The following TAB2 variants were observed in gnomAD, a reference collection of about 807,000 sequenced individuals.
The protein encoded by TAB2 is TGF-beta activated kinase 1 (MAP3K7) binding protein 2.
TAB2 carries 3 observed loss-of-function variants against 65.0 expected under a neutral mutation model. That is an observed-to-expected ratio of 0.05 (90% CI 0.02 to 0.12). The LOEUF is 0.12. Ranked by LOEUF, TAB2 falls within the 10% of genes least tolerant of loss-of-function variation. The pLI, the probability that TAB2 is intolerant of heterozygous loss-of-function variation, is 1.00. For synonymous variants in TAB2, 298 were observed against 285.1 expected (o/e 1.05, Z -0.46); for missense variants, 623 against 840.3 (o/e 0.74, Z 3.20).
chr6:149,408,642 T>A (rs1782744491), intron 6 of TAB2, among the ~76,000 whole-genome samples: 1 of 152,182 alleles, frequency 6.6e-6, no homozygotes, highest in Non-Finnish European at 1.5e-5. Flanking sequence ...TGCATGCTCC[T>A]TTTACTTTAA....
At chr6:149,266,795 A>T (rs1465203136) in intron 1 of TAB2, among the ~76,000 whole-genome samples, 1 of 152,138 alleles carries the variant, frequency 6.6e-6, no homozygotes, top group East Asian at 1.9e-4. Context: ...TGTCTCTATC[A>T]TTGTGACACA....
intron 1 of TAB2, among the ~76,000 whole-genome samples, chr6:149,263,361 T>A (rs1162453978): frequency 6.6e-6 from 1 of 152,246 alleles, no homozygotes; most frequent in Admixed American, 6.5e-5. Context: ...CAATTTTTTT[T>A]ACCTAAATTT....
chr6:149,375,834 A>T lies in TAB2; in HGVS notation c.103-2184A>T, dbSNP rs1201022107. On this transcript the variant is annotated intron_variant, in intron 2 of 6. Transcript: ENST00000637181. ...GTATCAATTAAGAGTTATTAGTAGG[A>T]TAAAAGGATTTTTCTACCATGAGAG... Among the ~76,000 whole-genome samples, 3 of 152,156 alleles carry T rather than the reference A, an allele frequency of 2.0e-5. No individual in the cohort carries two copies. The East Asian group carries it at 5.8e-4, about 29-fold the overall frequency.
rs1781525056 is a variant in TAB2 at position 149,379,316 on chromosome 6, A to G, written c.1401A>G (p.Thr467=). The G allele has an allele frequency of 1.2e-6, 2 of 1,614,244 alleles. No homozygotes were observed. The change falls in exon 3 of 7, where the codon ACA becomes ACG. Residue 467 remains threonine, a synonymous_variant. Transcript: ENST00000637181. ...ATACGAAATACACTTTCAAAATTAC[A>G]GTCTCTCCCAATAAGCCCCCTGCAG... The part of the protein sequence containing the change: ...QPNTKYTFKI[T]VSPNKPPAVS...
chr6:149,398,860 C>T (rs1782267177), intron 5 of TAB2, among the ~76,000 whole-genome samples: 2 of 152,008 alleles, frequency 1.3e-5, no homozygotes, highest in South Asian at 2.1e-4. Context: ...AATGTCTTAC[C>T]AGCATTAATT....
intron 1 of TAB2, among the ~76,000 whole-genome samples, chr6:149,260,530 G>A (rs146059845): frequency 6.6e-6 from 1 of 152,238 alleles, no homozygotes; most frequent in East Asian, 1.9e-4. Flanking sequence ...GAAGCCCCAT[G>A]GAGGAAAAAA....
chr6:149,291,315 C>T (rs1198621164), intron 1 of TAB2: 3 of 152,220 alleles, frequency 2.0e-5, no homozygotes, highest in African/African-American at 4.8e-5. Context: ...CAGAATTTTA[C>T]TGTGACTGGA....
chr6:149,378,319 A>C lies in TAB2; in HGVS notation c.404A>C (p.Gln135Pro), dbSNP rs1487858409. ...EPQTAPAQVP[Q>P]GFNVFGMSSS... ...CAGACAGCACCAGCTCAAGTTCCTC[A>C]AGGCTTTAATGTTTTTGGAATGTCC... The change falls in exon 3 of 7, where the codon CAA becomes CCA. Residue 135 changes from glutamine to proline, a missense_variant. Transcript: ENST00000637181. 1 of 1,614,206 alleles carries C rather than the reference A, an allele frequency of 6.2e-7. No homozygotes were observed. The highest frequency in any genetic ancestry group is 1.3e-5 in the African/African-American group (1 of 75,050).
chr6:149,294,118 A>C (rs182163581), intron 1 of TAB2, among the ~76,000 whole-genome samples: 10 of 152,296 alleles, frequency 6.6e-5, no homozygotes, highest in Admixed American at 5.9e-4. Flanking sequence ...TAGCTATGTT[A>C]GTTTGCTAGG....
intron 1 of TAB2, among the ~76,000 whole-genome samples, chr6:149,348,721 T>C (rs1346609195): frequency 6.6e-6 from 1 of 151,926 alleles, no homozygotes; most frequent in Non-Finnish European, 1.5e-5. Context: ...ACCAGCACTT[T>C]GGAAGGACGA....
chr6:149,397,457 T>A (rs1022415059), intron 3 of TAB2, 147 bp from the exon 4 acceptor site: 125 of 873,684 alleles, frequency 1.4e-4, no homozygotes, highest in East Asian at 1.9e-4. Flanking sequence ...AAAAAAAAAA[T>A]TGAAATTTTA....
At chr6:149,263,726 C>T (rs370345943) in intron 1 of TAB2, among the ~76,000 whole-genome samples, 18 of 152,310 alleles carry the variant, frequency 1.2e-4, no homozygotes, top group African/African-American at 2.6e-4. Context: ...TTTACTTCTA[C>T]GAGCCAGGCA....
At chr6:149,295,117 G>A (rs1180528470) in intron 1 of TAB2, among the ~76,000 whole-genome samples, 1 of 152,134 alleles carries the variant, frequency 6.6e-6, no homozygotes, top group African/African-American at 2.4e-5. Context: ...GGAGGTTATG[G>A]TGGACACCTA....
At chr6:149,265,443 A>G (rs1011475652) in intron 1 of TAB2, among the ~76,000 whole-genome samples, 1 of 152,068 alleles carries the variant, frequency 6.6e-6, no homozygotes, top group South Asian at 2.1e-4. Flanking sequence ...GCTTCCCACA[A>G]TTGGGATAAC....
At chr6:149,266,399 C>T (rs1234846464) in intron 1 of TAB2, among the ~76,000 whole-genome samples, 1 of 152,196 alleles carries the variant, frequency 6.6e-6, no homozygotes, top group Non-Finnish European at 1.5e-5. Flanking sequence ...GCTCAAGTGT[C>T]ATAACCTGGT....
At chr6:149,267,892 C>G (rs557185359) in intron 1 of TAB2, among the ~76,000 whole-genome samples, 1 of 152,116 alleles carries the variant, frequency 6.6e-6, no homozygotes, top group African/African-American at 2.4e-5. Context: ...TATAACCTTA[C>G]GGGACCACTG....
At chr6:149,285,205 C>T (rs1320917343) in intron 1 of TAB2, among the ~76,000 whole-genome samples, 1 of 152,172 alleles carries the variant, frequency 6.6e-6, no homozygotes, top group Non-Finnish European at 1.5e-5. Context: ...CCATTGTGCT[C>T]TTCAACAGGG....
chr6:149,274,251 C>T (rs1778414462), intron 1 of TAB2, among the ~76,000 whole-genome samples: 1 of 152,194 alleles, frequency 6.6e-6, no homozygotes, highest in Non-Finnish European at 1.5e-5. Flanking sequence ...GAGCAACTGA[C>T]CCGGTTAAGG....
intron 3 of TAB2, among the ~76,000 whole-genome samples, chr6:149,384,589 A>G (rs758242884): frequency 6.6e-6 from 1 of 152,214 alleles, no homozygotes. Context: ...TATTTTACCC[A>G]TTAAGAACAA....
Sources: allele counts gnomAD v4.1 joint callset (sites outside exome capture counted in the v4.1 genomes callset), GRCh38; gene constraint gnomAD v4.1.1; transcripts MANE v1.5; gene names NCBI Gene and HGNC (gene_info 2026-07-23, HGNC 2026-07-21).